Variants in PCDHA8 observed in about 807,000 individuals in gnomAD.
The protein encoded by PCDHA8 is protocadherin alpha 8.
PCDHA8 carries 53 observed loss-of-function variants against 61.8 expected under a neutral mutation model. The observed-to-expected ratio is 0.86, with a 90% confidence interval of 0.69 to 1.08. The LOEUF is 1.08. Among genes scored for constraint, PCDHA8 ranks in the 50% least tolerant of loss-of-function variants. The pLI, the probability that PCDHA8 is intolerant of heterozygous loss-of-function variation, is 0.00. For synonymous variants in PCDHA8, 618 were observed against 556.6 expected, an observed-to-expected ratio of 1.11 and a Z score of -1.55; for missense variants, 1,293 against 1,245.0, an observed-to-expected ratio of 1.04 and a Z score of -0.58.
intron 1 of PCDHA8, among the ~76,000 whole-genome samples, chr5:140,855,586 G>A (rs2043525650): frequency 1.3e-5 from 2 of 149,676 alleles, no homozygotes; most frequent in Admixed American, 1.3e-4. Context: ...TAAAATATTA[G>A]TATACTCAGT....
intron 1 of PCDHA8, chr5:140,967,750 C>G (rs782284231): frequency 6.2e-7 from 1 of 1,614,190 alleles, no homozygotes; most frequent in South Asian, 1.1e-5. Flanking sequence ...ATGAGGAAGC[C>G]TCCTCCTACC....
At chr5:140,983,977 C>T (rs566705604) in intron 3 of PCDHA8, among the ~76,000 whole-genome samples, 20 of 152,234 alleles carry the variant, frequency 1.3e-4, no homozygotes, top group Non-Finnish European at 2.4e-4. Flanking sequence ...AAAAAATATA[C>T]GAGTTGAAGC....
intron 1 of PCDHA8, among the ~76,000 whole-genome samples, chr5:140,907,411 G>A (rs1053744231): frequency 8.5e-5 from 13 of 152,192 alleles, no homozygotes; most frequent in Admixed American, 2.6e-4. Flanking sequence ...GGAATACCAC[G>A]ATGGTGGATA....
At chr5:140,857,712 T>C (rs781941638) in intron 1 of PCDHA8, 3 of 1,597,298 alleles carry the variant, frequency 1.9e-6, no homozygotes, top group Admixed American at 1.7e-5. Context: ...GTGTTCGTGC[T>C]GGACGAGAAC....
At chr5:140,966,125 C>T (rs1443798693) in intron 1 of PCDHA8, 1 of 159,140 alleles carries the variant, frequency 6.3e-6, no homozygotes, top group African/African-American at 2.4e-5. Context: ...TTAGCTAAGG[C>T]CCCTCAGTTT....
At chr5:140,851,219 C>A (rs2041993259) in intron 1 of PCDHA8, 5 of 1,147,562 alleles carry the variant, frequency 4.4e-6, no homozygotes, top group Non-Finnish European at 4.5e-6. Context: ...ACATTAACAT[C>A]ACTATCATTT....
chr5:140,947,401 G>A (rs1314695904), intron 1 of PCDHA8, among the ~76,000 whole-genome samples: 1 of 151,652 alleles, frequency 6.6e-6, no homozygotes, highest in Non-Finnish European at 1.5e-5. Flanking sequence ...AAAGTAGACT[G>A]TCTTGATATT....
intron 1 of PCDHA8, among the ~76,000 whole-genome samples, chr5:140,917,241 C>G (rs1383271236): frequency 6.7e-6 from 1 of 150,002 alleles, no homozygotes; most frequent in Non-Finnish European, 1.5e-5. Context: ...AATCTAGGTA[C>G]TACGATTGCT....
intron 1 of PCDHA8, chr5:140,853,237 A>T: frequency 1.0e-6 from 1 of 980,784 alleles, no homozygotes; most frequent in Non-Finnish European, 1.2e-6. Context: ...TTAGTCCTTC[A>T]TATTAATCTC....
chr5:140,844,506 G>T (rs1779414039), intron 1 of PCDHA8, among the ~76,000 whole-genome samples: 1 of 148,856 alleles, frequency 6.7e-6, no homozygotes, highest in South Asian at 2.1e-4. Context: ...CTTTATTCTT[G>T]CAAGTATCTT....
At chr5:140,876,614 C>G in intron 1 of PCDHA8, 1 of 1,614,130 alleles carries the variant, frequency 6.2e-7, no homozygotes, top group Non-Finnish European at 8.5e-7. Flanking sequence ...GACTCTGGAG[C>G]CAATGGACAG....
At chr5:140,883,126 G>T (rs781992873) in intron 1 of PCDHA8, 1 of 1,614,036 alleles carries the variant, frequency 6.2e-7, no homozygotes, top group Non-Finnish European at 8.5e-7. Context: ...GGCCTGTATG[G>T]CCTGCAGTGG....
chr5:140,958,116 T>G (rs2095410051), intron 1 of PCDHA8, among the ~76,000 whole-genome samples: 1 of 152,060 alleles, frequency 6.6e-6, no homozygotes, highest in African/African-American at 2.4e-5. Context: ...TGGTTCCATT[T>G]TGTAAAATGT....
At chr5:140,882,325 G>A (rs2059066855) in intron 1 of PCDHA8, 1 of 1,614,182 alleles carries the variant, frequency 6.2e-7, no homozygotes, top group Non-Finnish European at 8.5e-7. Context: ...TCTGGCTTCT[G>A]ATCCTCGCAG....
rs782194896 is a variant in PCDHA8 at position 140,992,662 on chromosome 5, G to A, written c.2542+10099G>A. Among the ~76,000 whole-genome samples, 4 of 152,160 alleles carry A rather than the reference G, an allele frequency of 2.6e-5. 1 individual carries two copies. The highest frequency in any genetic ancestry group is 5.9e-5 in the Non-Finnish European group (4 of 68,028). ...GAAAATAGAAGAAAGAGCCTGATTGGTGTGTATGTGTGTGTTAGGGGTTGA... is the reference window on the plus strand; with the variant it reads ...GAAAATAGAAGAAAGAGCCTGATTGATGTGTATGTGTGTGTTAGGGGTTGA... On this transcript the variant is annotated intron_variant, in intron 3 of 3. Transcript: ENST00000531613.
intron 1 of PCDHA8, among the ~76,000 whole-genome samples, chr5:140,943,783 C>A (rs1388163068): frequency 1.3e-5 from 2 of 152,102 alleles, no homozygotes; most frequent in Non-Finnish European, 2.9e-5. Context: ...AGGAAGTGGT[C>A]CTTTATGCAA....
intron 3 of PCDHA8, among the ~76,000 whole-genome samples, chr5:140,999,199 A>G (rs1354176825): frequency 2.0e-5 from 3 of 152,228 alleles, no homozygotes; most frequent in Non-Finnish European, 4.4e-5. Context: ...CTTGGAAAAG[A>G]GAATTTCTGG....
chr5:140,953,283 G>A (rs1377100708), intron 1 of PCDHA8, among the ~76,000 whole-genome samples: 5 of 152,132 alleles, frequency 3.3e-5, no homozygotes, highest in Non-Finnish European at 7.3e-5. Flanking sequence ...CTCTTTATAT[G>A]TGATTCAGGG....
In PCDHA8 at chr5:140,875,915, T is replaced by G. The variant is rs782225928; in HGVS notation, c.2394+32200T>G. On this transcript the variant is annotated intron_variant, in intron 1 of 3. Transcript: ENST00000531613. Reference sequence around the variant, plus strand: ...GTACCTGTTTCTGAATCTGCGCCTCTGGACTCTCATTTTCCTCTAGAGGGC... The same window carrying G: ...GTACCTGTTTCTGAATCTGCGCCTCGGGACTCTCATTTTCCTCTAGAGGGC... 3.7e-6 allele frequency: 6 copies of G among 1,614,096 alleles called. No homozygotes were observed. In the African/African-American group the frequency reaches 6.7e-5, roughly 18 times the overall value.
Sources: gnomAD v4.1 joint callset for allele counts (sites outside exome capture counted in the v4.1 genomes callset) on GRCh38, gnomAD v4.1.1 for gene constraint, MANE v1.5 for transcripts, NCBI Gene and HGNC (gene_info 2026-07-23, HGNC 2026-07-21) for gene names.